Variants in PCDHA9 observed in about 807,000 individuals in gnomAD.
PCDHA9 encodes the protein protocadherin alpha 9, also known as protocadherin alpha-9.
A neutral mutation model predicts 62.0 loss-of-function variants in PCDHA9; 62 were observed. The ratio of observed to expected loss-of-function variants is 1.00; its 90% CI spans 0.81 to 1.23. PCDHA9 has a LOEUF of 1.23. Among genes scored for constraint, PCDHA9 ranks in the 50% most tolerant of loss-of-function variants. PCDHA9 has a pLI of 0.00. For synonymous variants in PCDHA9, 557 were observed against 567.6 expected, an observed-to-expected ratio of 0.98 and a Z score of 0.27; for missense variants, 1,205 against 1,249.8, an observed-to-expected ratio of 0.96 and a Z score of 0.54.
intron 3 of PCDHA9, among the ~76,000 whole-genome samples, chr5:140,996,915 A>G (rs1167259941): frequency 6.6e-6 from 1 of 152,244 alleles, no homozygotes; most frequent in Non-Finnish European, 1.5e-5. Flanking sequence ...TGAAGTAAAT[A>G]TTAAAAAATA....
intron 1 of PCDHA9, chr5:140,875,686 G>C (rs17844351): frequency 0.022 from 35,932 of 1,613,570 alleles, 480 homozygotes; most frequent in East Asian, 0.061. Flanking sequence ...CAAAAGACAC[G>C]GGGACCTTCT....
rs890605582 is a variant in PCDHA9 at position 140,851,133 on chromosome 5, T to C, written c.2394+244T>C. Reference sequence around the variant, plus strand: ...GAATCAATTTTATTTAAATTTGTGATTAAAGTGACATTGAATTTCTGATGC... The same window carrying C: ...GAATCAATTTTATTTAAATTTGTGACTAAAGTGACATTGAATTTCTGATGC... On this transcript the variant is annotated intron_variant, in intron 1 of 3. Transcript: ENST00000532602. 54 of 1,314,072 alleles carry C rather than the reference T, an allele frequency of 4.1e-5. 3 individuals carry two copies. Among genetic ancestry groups the C allele is most frequent in the Non-Finnish European group, 5.2e-5 (53 of 1,014,404 alleles). 81.4% of individuals were successfully genotyped at this position (1,314,072 alleles called of 1,614,324 possible). A position where few individuals can be genotyped will look rare whatever the true frequency, so the allele number is the denominator to read the frequency against.
intron 1 of PCDHA9, chr5:140,876,230 A>C: frequency 6.2e-7 from 1 of 1,613,886 alleles, no homozygotes; most frequent in South Asian, 1.1e-5. Flanking sequence ...GTGTTGTCTG[A>C]AAATGTCCAA....
At position 140,951,558 on chromosome 5, in the gene PCDHA9, C is replaced by T. The variant is rs79908970; in HGVS notation, c.2395-27391C>T. On this transcript the variant is annotated intron_variant, in intron 1 of 3. Coordinates refer to ENST00000532602, the MANE Select transcript of PCDHA9 (RefSeq NM_031857.2). The stretch of plus-strand genomic sequence containing the variant: ...GAGCAAGGGACGGGGGGAAGTGCTA[C>T]GCACTTTTAAACAACCAGATTTCAC... Among the ~76,000 whole-genome samples the T allele has an allele frequency of 3.7e-4, 56 of 152,112 alleles. No individual in the cohort carries two copies. In the East Asian group the frequency reaches 9.5e-3, roughly 26 times the overall value.
intron 1 of PCDHA9, chr5:140,966,708 C>G (rs1033433543): frequency 7.2e-7 from 1 of 1,384,746 alleles, no homozygotes; most frequent in Non-Finnish European, 9.3e-7. Context: ...GCGTGGGGCA[C>G]GGCTGGGGAA....
intron 3 of PCDHA9, among the ~76,000 whole-genome samples, chr5:140,993,468 A>T (rs1327306188): frequency 7.2e-5 from 5 of 69,412 alleles, no homozygotes; most frequent in Non-Finnish European, 1.2e-4. Flanking sequence ...TTTCTCACAC[A>T]CACACACACA....
chr5:140,915,281 C>T (rs1554196839), intron 1 of PCDHA9, among the ~76,000 whole-genome samples: 2 of 152,090 alleles, frequency 1.3e-5, no homozygotes, highest in Non-Finnish European at 2.9e-5. Flanking sequence ...TCATCATTTA[C>T]TCTTTCTACT....
intron 1 of PCDHA9, among the ~76,000 whole-genome samples, chr5:140,915,929 C>A (rs1554197194): frequency 1.3e-5 from 2 of 152,144 alleles, no homozygotes; most frequent in African/African-American, 4.8e-5. Context: ...ACTTGGGAGT[C>A]AGGGATTGGA....
rs1554231789 is a variant in PCDHA9 at position 140,969,430 on chromosome 5, A to G, written c.2395-9519A>G. ...CTTTATTGAGTCATTAACAGTGACAAGAGTTATCTGGTAAACTGAGTATAT... is the reference window on the plus strand; with the variant it reads ...CTTTATTGAGTCATTAACAGTGACAGGAGTTATCTGGTAAACTGAGTATAT... On this transcript the variant is annotated intron_variant, in intron 1 of 3. Transcript: ENST00000532602. The G allele has an allele frequency of 1.2e-5, 19 of 1,554,588 alleles. 1 individual carries two copies. The Admixed American group carries it at 3.5e-4, about 29-fold the overall frequency.
Position 140,920,254 on chromosome 5 carries a change from A to G in PCDHA9, c.2395-58695A>G, listed in dbSNP as rs117923328. Reference sequence around the variant, plus strand: ...TATATACCCAACAATACATCGCTATAATAATTATTACTTTATGTAATCTTA... The same window carrying G: ...TATATACCCAACAATACATCGCTATGATAATTATTACTTTATGTAATCTTA... On this transcript the variant is annotated intron_variant, in intron 1 of 3. Transcript: ENST00000532602. Among the ~76,000 whole-genome samples the G allele has an allele frequency of 8.5e-5, 13 of 152,332 alleles. No individual in the cohort carries two copies. In the East Asian group the frequency reaches 2.5e-3, roughly 29 times the overall value.
chr5:140,966,644 G>A, intron 1 of PCDHA9: 1 of 1,127,128 alleles, frequency 8.9e-7, no homozygotes, highest in Non-Finnish European at 1.2e-6. Context: ...GCTTTCTAGA[G>A]CGTGAGCGGT....
chr5:140,986,792 A>C (rs575794573), intron 3 of PCDHA9, among the ~76,000 whole-genome samples: 1 of 152,220 alleles, frequency 6.6e-6, no homozygotes, highest in Non-Finnish European at 1.5e-5. Context: ...CCACTAAGGC[A>C]GTGAGTCTTA....
chr5:140,948,889 AT>A (rs1263260325), intron 1 of PCDHA9, among the ~76,000 whole-genome samples: 2 of 151,468 alleles, frequency 1.3e-5, no homozygotes, highest in Non-Finnish European at 3.0e-5. Flanking sequence ...TCTCTTTTAG[AT>A]TTTAAGTGGA....
chr5:140,964,338 G>T (rs2153739261), intron 1 of PCDHA9, among the ~76,000 whole-genome samples: 1 of 152,320 alleles, frequency 6.6e-6, no homozygotes, highest in South Asian at 2.1e-4. Flanking sequence ...AACCTGGCAG[G>T]TGTCCTTGCT....
chr5:140,855,778 TA>T, intron 1 of PCDHA9: 2 of 407,848 alleles, frequency 4.9e-6, no homozygotes, highest in Non-Finnish European at 8.8e-6. Context: ...TAAAAATACG[TA>T]AAAAAAGAAT....
chr5:140,929,736 T>A, intron 1 of PCDHA9: 1 of 201,874 alleles, frequency 5.0e-6, no homozygotes, highest in Non-Finnish European at 1.1e-5. Context: ...CTTAAACTAT[T>A]GCAATGCATT....
chr5:140,987,207 C>A (rs1475441121), intron 3 of PCDHA9, among the ~76,000 whole-genome samples: 1 of 148,672 alleles, frequency 6.7e-6, no homozygotes, highest in African/African-American at 2.5e-5. Context: ...GAGTGAGACT[C>A]CATCTCAAAA....
intron 1 of PCDHA9, among the ~76,000 whole-genome samples, chr5:140,952,230 A>C (rs1177331328): frequency 6.6e-6 from 1 of 151,960 alleles, no homozygotes; most frequent in African/African-American, 2.4e-5. Flanking sequence ...ACAGTGTGCA[A>C]GCTGCTTAGA....
In PCDHA9 at chr5:140,848,822, C is replaced by T. The variant is rs2150421511; in HGVS notation, c.327C>T (p.Ile109=). The T allele has an allele frequency of 1.9e-6, 3 of 1,590,462 alleles. 1 individual carries two copies. The highest frequency in any genetic ancestry group is 3.4e-5 in the Admixed American group (2 of 58,802). ...AGTGCAGCATCCACCTGGAGGTGATCGTAGACAGGCCGCTGCAGGTTTTCC... is the reference window on the plus strand; with the variant it reads ...AGTGCAGCATCCACCTGGAGGTGATTGTAGACAGGCCGCTGCAGGTTTTCC... ...SAECSIHLEV[I]VDRPLQVFHV... The change falls in exon 1 of 4, where the codon ATC becomes ATT. Residue 109 remains isoleucine, a synonymous_variant. Transcript: ENST00000532602.
Sources: allele counts gnomAD v4.1 joint callset (sites outside exome capture counted in the v4.1 genomes callset), GRCh38; gene constraint gnomAD v4.1.1; transcripts MANE v1.5; gene names NCBI Gene and HGNC (gene_info 2026-07-23, HGNC 2026-07-21).